The following CLEC16A variants were observed in gnomAD, a reference collection of about 807,000 sequenced individuals.
CLEC16A encodes C-type lectin domain containing 16A.
CLEC16A carries 51 observed loss-of-function variants against 109.5 expected under a neutral mutation model. The observed-to-expected ratio is 0.47, with a 90% CI of 0.37 to 0.59. The LOEUF is 0.59. CLEC16A is among the 20% of genes least tolerant of loss of function. The pLI, the probability that CLEC16A is intolerant of heterozygous loss-of-function variation, is 0.00. For missense variants in CLEC16A, 1,339 were observed against 1,394.0 expected, an observed-to-expected ratio of 0.96 and a Z score of 0.63; for synonymous variants, 673 against 564.2, an observed-to-expected ratio of 1.19 and a Z score of -2.73.
At chr16:10,993,884 T>A (rs2044175673) in intron 10 of CLEC16A, among the ~76,000 whole-genome samples, 1 of 152,168 alleles carries the variant, frequency 6.6e-6, no homozygotes, top group South Asian at 2.1e-4. Context: ...TGCTTGGCAT[T>A]GAGAGGGACA....
At chr16:10,971,371 A>T (rs1304312264) in intron 5 of CLEC16A, 141 bp downstream of exon 5, 2 of 820,082 alleles carry the variant, frequency 2.4e-6, no homozygotes, top group East Asian at 5.8e-5. Context: ...CTCATGAAAA[A>T]CTTGGAATCC....
chr16:11,170,554 T>A (rs1474959848), intron 23 of CLEC16A, among the ~76,000 whole-genome samples: 2 of 152,196 alleles, frequency 1.3e-5, no homozygotes, highest in African/African-American at 2.4e-5. Flanking sequence ...GCTCAGGCTG[T>A]CCTCTTGGTT....
chr16:10,996,161 C>G (rs927020280), intron 10 of CLEC16A, among the ~76,000 whole-genome samples: 2 of 152,220 alleles, frequency 1.3e-5, no homozygotes, highest in Non-Finnish European at 2.9e-5. Context: ...TGCTGAGAAA[C>G]CCACTCAACA....
At chr16:11,103,150 G>C (rs1364174197) in intron 19 of CLEC16A, among the ~76,000 whole-genome samples, 2 of 152,262 alleles carry the variant, frequency 1.3e-5, no homozygotes, top group Non-Finnish European at 2.9e-5. Flanking sequence ...GAAAATGGGA[G>C]GCTAGTGCTG....
At chr16:11,136,236 G>A (rs572447173) in intron 22 of CLEC16A, 1 of 152,198 alleles carries the variant, frequency 6.6e-6, no homozygotes, top group Non-Finnish European at 1.5e-5. Flanking sequence ...TAAGAAACAG[G>A]GATGATGCTC....
intron 10 of CLEC16A, among the ~76,000 whole-genome samples, chr16:10,988,028 G>C (rs530410794): frequency 6.2e-4 from 95 of 152,326 alleles, no homozygotes; most frequent in Admixed American, 1.9e-3. Flanking sequence ...TCATCTGTGC[G>C]TTAAAATCAT....
At chr16:11,111,821 G>C (rs1325778523) in intron 19 of CLEC16A, among the ~76,000 whole-genome samples, 1 of 152,102 alleles carries the variant, frequency 6.6e-6, no homozygotes, top group Admixed American at 6.5e-5. Flanking sequence ...AAGTAATTCT[G>C]TTTTTCCATT....
chr16:10,945,213 A>G (rs554578965), intron 1 of CLEC16A, among the ~76,000 whole-genome samples: 1 of 152,310 alleles, frequency 6.6e-6, no homozygotes, highest in Admixed American at 6.5e-5. Flanking sequence ...TGTAGGCCTC[A>G]GGTTCCCCAC....
intron 19 of CLEC16A, among the ~76,000 whole-genome samples, chr16:11,107,974 T>C (rs2051326879): frequency 6.6e-6 from 1 of 152,242 alleles, no homozygotes; most frequent in South Asian, 2.1e-4. Context: ...CAGTGCAGTA[T>C]GGTGGCCAAG....
intron 22 of CLEC16A, chr16:11,149,780 C>G (rs1399799582): frequency 1.9e-5 from 2 of 103,252 alleles, no homozygotes. Context: ...CAAAGTGAGA[C>G]TGTCTTAAAA....
chr16:10,986,063 C>T (rs1310140967), intron 10 of CLEC16A, among the ~76,000 whole-genome samples: 6 of 118,874 alleles, frequency 5.0e-5, no homozygotes. Flanking sequence ...CTGAGTCTCG[C>T]TCTGTCGCCC....
At chr16:10,990,582 A>G (rs1001303634) in intron 10 of CLEC16A, among the ~76,000 whole-genome samples, 3 of 152,212 alleles carry the variant, frequency 2.0e-5, no homozygotes, top group Non-Finnish European at 2.9e-5. Flanking sequence ...TGGAGAAGCC[A>G]ATTGGTAACA....
Position 11,174,014 on chromosome 16 carries a change from G to A in CLEC16A, c.2807-4321G>A, listed in dbSNP as rs968204962. ...GCGCCCCATGCACCGGTGGCCACAA[G>A]CCCATGCTGGGCACTGCCCCACGAC... On this transcript the variant is annotated intron_variant, in intron 23 of 23. Transcript: ENST00000409790. The surrounding 1 kb of genome is among the most constrained non-coding windows in gnomAD (Gnocchi z 4.7). 1 of 355,810 alleles carries A rather than the reference G, an allele frequency of 2.8e-6. No homozygotes were observed. Among genetic ancestry groups the A allele is most frequent in the African/African-American group, 2.1e-5 (1 of 46,578 alleles). The allele number at this position is 355,810 out of a possible 1,614,324, so 22.0% of individuals were successfully genotyped here. A position where few individuals can be genotyped will look rare whatever the true frequency, so the allele number is the denominator to read the frequency against.
chr16:11,148,762 T>C (rs2054173187), intron 22 of CLEC16A, among the ~76,000 whole-genome samples: 1 of 152,134 alleles, frequency 6.6e-6, no homozygotes, highest in East Asian at 1.9e-4. Flanking sequence ...CCAGGAGCAG[T>C]TCAAATAATG....
rs1033572564 is a variant in CLEC16A at position 11,051,418 on chromosome 16, C to T, written c.1867-95C>T. The stretch of plus-strand genomic sequence containing the variant: ...ATCACTCATTTACATTTACTAAATG[C>T]GGTTGAAGGCGAGGGGCCTGTGCAA... On this transcript the variant is annotated intron_variant, in intron 17 of 23. Coordinates refer to ENST00000409790, the MANE Select transcript of CLEC16A (RefSeq NM_015226.3). 129 of 1,240,220 alleles carry T rather than the reference C, an allele frequency of 1.0e-4. No homozygotes were observed. The African/African-American group carries it at 1.2e-3, about 12-fold the overall frequency. The allele number at this position is 1,240,220 out of a possible 1,614,324, so 76.8% of individuals were successfully genotyped here. A position where few individuals can be genotyped will look rare whatever the true frequency, so the allele number is the denominator to read the frequency against.
intron 19 of CLEC16A, among the ~76,000 whole-genome samples, chr16:11,117,346 A>G (rs1011313049): frequency 6.6e-6 from 1 of 152,216 alleles, no homozygotes; most frequent in Non-Finnish European, 1.5e-5. Flanking sequence ...GAAACAACAA[A>G]ACATCTCACC....
At chr16:11,100,772 A>G (rs777891208) in intron 19 of CLEC16A, among the ~76,000 whole-genome samples, 22 of 152,238 alleles carry the variant, frequency 1.4e-4, no homozygotes, top group Non-Finnish European at 3.1e-4. Context: ...AACTGTTAGT[A>G]TCTGAAATTA....
intron 10 of CLEC16A, among the ~76,000 whole-genome samples, chr16:10,997,018 G>A (rs1461040695): frequency 1.3e-5 from 2 of 152,226 alleles, no homozygotes; most frequent in African/African-American, 4.8e-5. Flanking sequence ...CTGGAGTGCA[G>A]TGGCACGACC....
At chr16:11,159,124 C>T (rs910481599) in intron 22 of CLEC16A, among the ~76,000 whole-genome samples, 5 of 152,176 alleles carry the variant, frequency 3.3e-5, no homozygotes, top group Admixed American at 2.0e-4. Context: ...CTGGAGACTG[C>T]GGCCATACTG....
Sources: gnomAD v4.1 joint callset for allele counts (sites outside exome capture counted in the v4.1 genomes callset) on GRCh38, gnomAD v4.1.1 for gene constraint, Gnocchi (gnomAD v3.1) non-coding constraint, MANE v1.5 for transcripts, NCBI Gene and HGNC (gene_info 2026-07-23, HGNC 2026-07-21) for gene names.